The following PDGFD variants were observed in gnomAD, a reference collection of about 807,000 sequenced individuals.
PDGFD encodes platelet-derived growth factor D.
PDGFD carries 30 observed loss-of-function variants against 44.7 expected under a neutral mutation model. The observed-to-expected ratio is 0.67, with a 90% CI of 0.50 to 0.91. The LOEUF (loss-of-function observed/expected upper bound fraction) is 0.91. PDGFD is among the 40% of genes least tolerant of loss of function. The probability of loss-of-function intolerance (pLI) is 0.00; values close to 1 mark genes in which losing one functional copy is unlikely to be tolerated. For missense variants in PDGFD, 445 were observed against 457.8 expected, an observed-to-expected ratio of 0.97 and a Z score of 0.25; for synonymous variants, 173 against 168.4, an observed-to-expected ratio of 1.03 and a Z score of -0.21.
chr11:103,923,104 A>G (rs1858250473), intron 6 of PDGFD, among the ~76,000 whole-genome samples: 1 of 152,156 alleles, frequency 6.6e-6, no homozygotes, highest in South Asian at 2.1e-4. Context: ...CATATTCAAT[A>G]AATGAGTACA....
chr11:104,094,987 C>T (rs553079209), intron 1 of PDGFD, among the ~76,000 whole-genome samples: 4 of 152,252 alleles, frequency 2.6e-5, no homozygotes, highest in African/African-American at 9.6e-5. Flanking sequence ...CACTGGTCTC[C>T]TTCCAGTTAC....
chr11:104,106,836 C>A (rs994491337), intron 1 of PDGFD, among the ~76,000 whole-genome samples: 1 of 151,716 alleles, frequency 6.6e-6, no homozygotes, highest in South Asian at 2.1e-4. Context: ...CTCTGCTTCC[C>A]GAGTTCAAGC....
intron 5 of PDGFD, among the ~76,000 whole-genome samples, chr11:103,936,301 G>T (rs1310413006): frequency 6.6e-6 from 1 of 152,132 alleles, no homozygotes; most frequent in Non-Finnish European, 1.5e-5. Context: ...CTTAACCCAA[G>T]TATCAAATAG....
rs1050872553 is a variant in PDGFD, at chr11:103,909,369, T to G, written c.*325A>C. ...GAGTCTAACTCAAACATATGTAAGCTCTGGTGTACCTGGTTATATATACCA... is the reference window on the plus strand; with the variant it reads ...GAGTCTAACTCAAACATATGTAAGCGCTGGTGTACCTGGTTATATATACCA... On this transcript the variant is annotated 3_prime_UTR_variant, in exon 7 of 7. Coordinates refer to ENST00000393158, the MANE Select transcript of PDGFD (RefSeq NM_025208.5). The G allele has an allele frequency of 2.6e-4, 46 of 174,332 alleles. No individual in the cohort carries two copies. The highest frequency in any genetic ancestry group is 2.3e-3 in the Middle Eastern group (1 of 434). The allele number at this position is 174,332 out of a possible 1,614,324, so 10.8% of individuals were successfully genotyped here.
intron 1 of PDGFD, among the ~76,000 whole-genome samples, chr11:104,126,272 T>G (rs1861840023): frequency 6.6e-6 from 1 of 152,100 alleles, no homozygotes; most frequent in Admixed American, 6.6e-5. Flanking sequence ...TCTCCTGTGC[T>G]CCTCCCTGCC....
intron 1 of PDGFD, among the ~76,000 whole-genome samples, chr11:104,157,355 C>A (rs1230142413): frequency 2.0e-5 from 3 of 152,130 alleles, no homozygotes; most frequent in African/African-American, 7.2e-5. Context: ...CTCGGCCTTG[C>A]GGACTATTCA....
intron 1 of PDGFD, among the ~76,000 whole-genome samples, chr11:104,066,950 C>A (rs993389625): frequency 6.6e-6 from 1 of 152,146 alleles, no homozygotes; most frequent in Admixed American, 6.5e-5. Context: ...TATTTCAATT[C>A]TTCTAATAGT....
At chr11:104,070,576 AT>A (rs1201779111) in intron 1 of PDGFD, among the ~76,000 whole-genome samples, 1 of 152,226 alleles carries the variant, frequency 6.6e-6, no homozygotes, top group Non-Finnish European at 1.5e-5. Context: ...TATGTTCAAA[AT>A]TATTTGAGCT....
At chr11:104,080,523 C>T (rs914970673) in intron 1 of PDGFD, among the ~76,000 whole-genome samples, 4 of 152,138 alleles carry the variant, frequency 2.6e-5, no homozygotes, top group African/African-American at 4.8e-5. Flanking sequence ...ATTTGACATT[C>T]GCTGCATATC....
intron 1 of PDGFD, among the ~76,000 whole-genome samples, chr11:104,006,736 G>A (rs1468615184): frequency 6.6e-6 from 1 of 152,100 alleles, no homozygotes; most frequent in Non-Finnish European, 1.5e-5. Context: ...AGCTGGGGGC[G>A]GCTAGAGAGG....
chr11:104,027,688 T>C (rs550998749), intron 1 of PDGFD, among the ~76,000 whole-genome samples: 1 of 152,248 alleles, frequency 6.6e-6, no homozygotes, highest in Admixed American at 6.5e-5. Flanking sequence ...TGTGTGTTTA[T>C]GTGACTATTT....
intron 1 of PDGFD, among the ~76,000 whole-genome samples, chr11:104,134,926 T>C: frequency 6.6e-6 from 1 of 152,186 alleles, no homozygotes; most frequent in East Asian, 1.9e-4. Context: ...CGAGTTCAAA[T>C]TCCAGCTACT....
intron 1 of PDGFD, chr11:104,038,884 T>G (rs945107724): frequency 6.0e-6 from 1 of 167,080 alleles, no homozygotes; most frequent in East Asian, 1.9e-4. Context: ...TTTTTCAAAG[T>G]AAAAATCTGC....
intron 1 of PDGFD, among the ~76,000 whole-genome samples, chr11:104,073,576 T>C (rs1343544930): frequency 6.6e-6 from 1 of 152,178 alleles, no homozygotes; most frequent in Non-Finnish European, 1.5e-5. Flanking sequence ...TTTGTCCTCA[T>C]ACATTTTCCT....
chr11:104,117,251 T>C (rs1270932402), intron 1 of PDGFD, among the ~76,000 whole-genome samples: 2 of 152,034 alleles, frequency 1.3e-5, no homozygotes, highest in Non-Finnish European at 2.9e-5. Context: ...AAATGCTATT[T>C]ATGACAAACC....
chr11:103,962,554 G>C (rs1414932237), intron 3 of PDGFD, among the ~76,000 whole-genome samples: 1 of 152,166 alleles, frequency 6.6e-6, no homozygotes, highest in Non-Finnish European at 1.5e-5. Flanking sequence ...GGCAAGTTGA[G>C]AAACTCTTTT....
intron 1 of PDGFD, among the ~76,000 whole-genome samples, chr11:104,131,970 T>TAAAAA (rs869050810): frequency 6.8e-6 from 1 of 146,322 alleles, no homozygotes; most frequent in African/African-American, 2.7e-5. Flanking sequence ...GAAGATCTGT[T>TAAAAA]AAAAAACAAA....
chr11:104,036,295 T>C (rs914123937), intron 1 of PDGFD, among the ~76,000 whole-genome samples: 2 of 151,804 alleles, frequency 1.3e-5, no homozygotes, highest in African/African-American at 4.8e-5. Flanking sequence ...AATACAACAA[T>C]TAGCCGGGCA....
chr11:104,080,529 A>G (rs552977738), intron 1 of PDGFD, among the ~76,000 whole-genome samples: 34 of 152,338 alleles, frequency 2.2e-4, no homozygotes, highest in African/African-American at 7.5e-4. Context: ...CATTCGCTGC[A>G]TATCAGTTTC....
Sources: gnomAD v4.1 joint callset for allele counts (sites outside exome capture counted in the v4.1 genomes callset) on GRCh38, gnomAD v4.1.1 for gene constraint, MANE v1.5 for transcripts, NCBI Gene and HGNC (gene_info 2026-07-23, HGNC 2026-07-21) for gene names.